The following TCF4 variants were observed in gnomAD, a reference collection of about 807,000 sequenced individuals.
TCF4 encodes SL3-3 enhancer factor 2.
Under a neutral mutation model 82.1 loss-of-function variants are expected in TCF4, and 3 were observed. The ratio of observed to expected loss-of-function variants is 0.04; its 90% CI spans 0.02 to 0.09. The LOEUF is 0.09. Ranked by LOEUF, TCF4 falls within the 10% of genes least tolerant of loss-of-function variation. TCF4 has a pLI of 1.00. For synonymous variants in TCF4, 276 were observed against 309.6 expected, an observed-to-expected ratio of 0.89 and a Z score of 1.14; for missense variants, 518 against 852.7, an observed-to-expected ratio of 0.61 and a Z score of 4.89.
intron 6 of TCF4, among the ~76,000 whole-genome samples, chr18:55,399,773 G>T (rs562215890): frequency 6.6e-6 from 1 of 151,260 alleles, no homozygotes; most frequent in Non-Finnish European, 1.5e-5. Context: ...TGTCAGAAAA[G>T]CACAGGCCCA....
chr18:55,358,476 G>A (rs2084182036), intron 6 of TCF4, among the ~76,000 whole-genome samples: 1 of 152,206 alleles, frequency 6.6e-6, no homozygotes, highest in South Asian at 2.1e-4. Context: ...CCAGGCACAG[G>A]TGCAGATCCT....
At chr18:55,597,521 G>T (rs1047991125) in intron 2 of TCF4, among the ~76,000 whole-genome samples, 5 of 152,026 alleles carry the variant, frequency 3.3e-5, no homozygotes, top group Admixed American at 3.3e-4. Context: ...ACACAAATTA[G>T]CTGGGTGTGG....
At chr18:55,544,927 G>A (rs1039965736) in intron 3 of TCF4, among the ~76,000 whole-genome samples, 4 of 152,160 alleles carry the variant, frequency 2.6e-5, no homozygotes, top group African/African-American at 9.7e-5. Flanking sequence ...ACCACAGCAA[G>A]TACATGAAGT....
intron 12 of TCF4, 138 bp downstream of exon 12, chr18:55,261,328 T>G (rs1309375203): frequency 1.4e-5 from 14 of 1,026,708 alleles, no homozygotes; most frequent in Non-Finnish European, 2.0e-5. Context: ...TTCCAGTGAC[T>G]GTTATGCAAG....
intron 9 of TCF4, among the ~76,000 whole-genome samples, chr18:55,276,178 A>G (rs1410640882): frequency 6.6e-6 from 1 of 152,190 alleles, no homozygotes; most frequent in South Asian, 2.1e-4. Flanking sequence ...CATGTAAAGA[A>G]GTATTAATTT....
At chr18:55,361,278 T>A (rs1431569175) in intron 6 of TCF4, among the ~76,000 whole-genome samples, 2 of 151,946 alleles carry the variant, frequency 1.3e-5, no homozygotes, top group East Asian at 1.9e-4. Flanking sequence ...CCATAGCCAA[T>A]CTAGTAGTAG....
chr18:55,468,423 T>G (rs962297844), intron 3 of TCF4, among the ~76,000 whole-genome samples: 2 of 152,144 alleles, frequency 1.3e-5, no homozygotes, highest in Non-Finnish European at 2.9e-5. Flanking sequence ...ACAGAAAATA[T>G]CTGTGAGCTC....
Position 55,613,464 on chromosome 18 carries a change from C to G in TCF4, c.286+17834G>C, listed in dbSNP as rs185941061. On this transcript the variant is annotated intron_variant, in intron 2 of 20. Transcript: ENST00000398339. ...CCATGTTGTTTCAGGTGTCCATAGTCCATTCCTTTTTATTGCTGGGTAGTA... is the reference window on the plus strand; with the variant it reads ...CCATGTTGTTTCAGGTGTCCATAGTGCATTCCTTTTTATTGCTGGGTAGTA... Among the ~76,000 whole-genome samples, 3 of 152,238 alleles carry G rather than the reference C, an allele frequency of 2.0e-5. No homozygotes were observed. The East Asian group carries it at 5.8e-4, about 29-fold the overall frequency.
At chr18:55,407,518 C>T (rs564628149) in intron 5 of TCF4, among the ~76,000 whole-genome samples, 15 of 152,004 alleles carry the variant, frequency 9.9e-5, no homozygotes, top group African/African-American at 2.7e-4. Context: ...AAATCGAACC[C>T]GTCCGCTGCT....
At chr18:55,325,012 C>T (rs141249095) in intron 8 of TCF4, among the ~76,000 whole-genome samples, 303 of 152,300 alleles carry the variant, frequency 2.0e-3, no homozygotes, top group African/African-American at 6.8e-3. Flanking sequence ...CACACACATA[C>T]ATTTGTTATA....
At chr18:55,228,163 G>C in intron 19 of TCF4, 58 bp downstream of exon 19, 1 of 1,607,366 alleles carries the variant, frequency 6.2e-7, no homozygotes, top group Non-Finnish European at 8.5e-7. Flanking sequence ...TTTTATGGCT[G>C]ATACACTGAT....
At chr18:55,301,551 T>C (rs527838743) in intron 8 of TCF4, among the ~76,000 whole-genome samples, 27 of 152,226 alleles carry the variant, frequency 1.8e-4, no homozygotes, top group African/African-American at 5.5e-4. Flanking sequence ...AACTAACTTA[T>C]TCTAAACACA....
At chr18:55,258,883 T>A (rs1416517238) in intron 13 of TCF4, among the ~76,000 whole-genome samples, 1 of 152,126 alleles carries the variant, frequency 6.6e-6, no homozygotes, top group Non-Finnish European at 1.5e-5. Context: ...AACGTTTGAT[T>A]ATCCTCTTAA....
intron 6 of TCF4, among the ~76,000 whole-genome samples, chr18:55,358,879 G>A (rs2084308154): frequency 6.6e-6 from 1 of 152,172 alleles, no homozygotes; most frequent in Non-Finnish European, 1.5e-5. Context: ...GTATAAGAGT[G>A]CCTACCCATG....
At chr18:55,491,974 CAA>C (rs1022483002) in intron 3 of TCF4, among the ~76,000 whole-genome samples, 6 of 152,130 alleles carry the variant, frequency 3.9e-5, no homozygotes, top group Admixed American at 2.0e-4. Flanking sequence ...ATTCAAATTG[CAA>C]AGTGTTTTCT....
At chr18:55,589,811 G>C, upstream of TCF4, 2 of 1,007,908 alleles carry the variant, frequency 2.0e-6, no homozygotes, top group South Asian at 4.7e-5. Context: ...CTTATAAAGA[G>C]AAGGAGCTGC....
chr18:55,421,870 AT>A (rs2094771976), intron 5 of TCF4, among the ~76,000 whole-genome samples: 1 of 152,140 alleles, frequency 6.6e-6, no homozygotes, highest in East Asian at 1.9e-4. Flanking sequence ...AAAGTTCCAC[AT>A]TTTGAAAGCA....
intron 3 of TCF4, among the ~76,000 whole-genome samples, chr18:55,573,380 G>A (rs980387682): frequency 6.6e-6 from 1 of 150,986 alleles, no homozygotes; most frequent in African/African-American, 2.4e-5. Context: ...AGTCTACAAA[G>A]TTAATTCTCC....
chr18:55,573,573 T>G (rs2097498152), intron 3 of TCF4, among the ~76,000 whole-genome samples: 1 of 152,130 alleles, frequency 6.6e-6, no homozygotes, highest in Non-Finnish European at 1.5e-5. Context: ...ATCTGACACC[T>G]ACCAACCCCC....
Sources: allele counts gnomAD v4.1 joint callset (sites outside exome capture counted in the v4.1 genomes callset), GRCh38; gene constraint gnomAD v4.1.1; transcripts MANE v1.5; gene names NCBI Gene and HGNC (gene_info 2026-07-23, HGNC 2026-07-21).